Variants in TAPT1 observed in about 807,000 individuals in gnomAD.
TAPT1 encodes transmembrane anterior posterior transformation protein 1 homolog.
Under a neutral mutation model 65.6 loss-of-function variants are expected in TAPT1, and 28 were observed. The observed-to-expected ratio is 0.43, with a 90% CI of 0.32 to 0.59. TAPT1 has a LOEUF of 0.59. TAPT1 is among the 20% of genes least tolerant of loss of function. The pLI is 0.09. For missense variants in TAPT1, 563 were observed against 679.9 expected, an observed-to-expected ratio of 0.83 and a Z score of 1.91; for synonymous variants, 278 against 245.2, an observed-to-expected ratio of 1.13 and a Z score of -1.25.
Position 16,226,123 on chromosome 4 carries a change from C to T in TAPT1, c.199+136G>A, listed in dbSNP as rs1370474186. 5 of 1,027,604 alleles carry T rather than the reference C, an allele frequency of 4.9e-6. No individual in the cohort carries two copies. In the African/African-American group the frequency reaches 6.9e-5, roughly 14 times the overall value. 63.7% of individuals were successfully genotyped at this position (1,027,604 alleles called of 1,614,324 possible). ...CCTCGGCAGCCTCGGCGGCTCCGCGCGCCCACAGCCTGGGGAGCCCCGGGA... is the reference window on the plus strand; with the variant it reads ...CCTCGGCAGCCTCGGCGGCTCCGCGTGCCCACAGCCTGGGGAGCCCCGGGA... On this transcript the variant is annotated intron_variant, in intron 1 of 13. Transcript: ENST00000405303.
chr4:16,227,069 A>G (rs1182898463), upstream of TAPT1: 4 of 454,442 alleles, frequency 8.8e-6, no homozygotes, highest in Non-Finnish European at 8.8e-6. Flanking sequence ...TTTTGGTTCC[A>G]TCTCTTCTGC....
chr4:16,180,006 C>T (rs976086134), intron 7 of TAPT1, among the ~76,000 whole-genome samples: 11 of 151,940 alleles, frequency 7.2e-5, no homozygotes, highest in African/African-American at 1.9e-4. Context: ...TTCCATTTTA[C>T]GGAAGAAAAA....
At chr4:16,166,990 T>G in intron 12 of TAPT1, 197 bp from the exon 13 acceptor site, 1 of 303,310 alleles carries the variant, frequency 3.3e-6, no homozygotes, top group Non-Finnish European at 5.9e-6. Context: ...TCCTTAGTTC[T>G]CTTTTTTTTT....
intron 3 of TAPT1, among the ~76,000 whole-genome samples, chr4:16,198,374 T>C (rs1749838517): frequency 6.6e-6 from 1 of 152,182 alleles, no homozygotes; most frequent in Non-Finnish European, 1.5e-5. Flanking sequence ...GGCAATAATT[T>C]ACATTATTGA....
rs761686384 is a variant in TAPT1 at position 16,174,694 on chromosome 4, G to C, written c.1143C>G (p.Asp381Glu). The change falls in exon 10 of 14, where the codon GAC becomes GAG. Residue 381 changes from aspartate (D) to glutamate (E), a missense_variant. Physicochemically the swap from Asp to Glu is conservative, Grantham distance 45. This residue lies in a region of TAPT1 where 104 missense variants were observed against 102.5 expected (regional missense o/e 1.01). Coordinates refer to ENST00000405303, the MANE Select transcript of TAPT1 (RefSeq NM_153365.3). ...CATTTTTCTGTCGGCTGCTAACAAG[G>C]TCAAAAGCAAGACTGGCTCTATATT... ...YSEYRASLAF[D>E]LVSSRQKNAY... 91 of 1,593,648 alleles carry C rather than the reference G, an allele frequency of 5.7e-5. 2 individuals are homozygous for C. The South Asian group carries it at 1.0e-3, about 18-fold the overall frequency.
chr4:16,197,519 C>T (rs1201476845), intron 3 of TAPT1, among the ~76,000 whole-genome samples: 1 of 152,118 alleles, frequency 6.6e-6, no homozygotes, highest in Non-Finnish European at 1.5e-5. Context: ...AGAGGGCTGA[C>T]AAAAATGCCA....
At chr4:16,202,898 T>C (rs1009734586) in intron 2 of TAPT1, among the ~76,000 whole-genome samples, 1 of 152,184 alleles carries the variant, frequency 6.6e-6, no homozygotes, top group Non-Finnish European at 1.5e-5. Context: ...TCCTCATAAT[T>C]TTGCTATTCC....
Position 16,174,275 on chromosome 4 carries a change from G to T in TAPT1, c.1168-3C>A. On this transcript the variant is annotated splice_region_variant and splice_polypyrimidine_tract_variant and intron_variant, in intron 10 of 13. Coordinates refer to ENST00000405303, the MANE Select transcript of TAPT1 (RefSeq NM_153365.3). ...GAGTCACTGTAATCAGTGTATGCCT[G>T]AACAGAGAAAGAAGCAAAAGATTCA... 6.3e-7 allele frequency: 1 copy of T among 1,599,410 alleles called. No homozygotes were observed. Among genetic ancestry groups the T allele is most frequent in the South Asian group, 1.1e-5 (1 of 87,500 alleles).
intron 7 of TAPT1, among the ~76,000 whole-genome samples, chr4:16,180,666 A>C (rs1415626909): frequency 6.6e-6 from 1 of 152,128 alleles, no homozygotes; most frequent in African/African-American, 2.4e-5. Context: ...ATTATTCTCT[A>C]GCAACATGAT....
At position 16,188,303 on chromosome 4, in the gene TAPT1, T is replaced by C. The variant is rs763799449; in HGVS notation, c.665A>G (p.Tyr222Cys). ...TTCTTTAGGCTCTGTTGCTGTCCAA[T>C]AGAGAGCATCTAATATGTCTTGTCC... is the stretch of plus-strand genomic sequence containing the variant. ...SFGQDILDAL[Y>C]WTATEPKERK... Residue 222 changes from tyrosine (Y) to cysteine (C), a missense_variant, in exon 5 of 14, where the codon TAT (tyrosine) becomes TGT (cysteine). Physicochemically the swap from Tyr to Cys is radical, Grantham distance 194. This residue lies in a region of TAPT1 where 217 missense variants were observed against 317.5 expected (regional missense o/e 0.68). Transcript: ENST00000405303. 4 of 1,611,178 alleles carry C rather than the reference T, an allele frequency of 2.5e-6. No homozygotes were observed. Among genetic ancestry groups the C allele is most frequent in the South Asian group, 1.1e-5 (1 of 90,496 alleles).
At chr4:16,164,180 T>C (rs747374405) in intron 13 of TAPT1, among the ~76,000 whole-genome samples, 1 of 152,184 alleles carries the variant, frequency 6.6e-6, no homozygotes, top group Non-Finnish European at 1.5e-5. Flanking sequence ...CCATCAGCTG[T>C]ACACATTTAA....
In TAPT1 at chr4:16,171,833, AT is replaced by A. The variant is rs1748012459; in HGVS notation, c.1237-1105del. On this transcript the variant is annotated intron_variant, in intron 11 of 13. Transcript: ENST00000405303. ...AAATAACTATACTTTCACCTAGCAT[AT>A]TATCAGTTAACTTTTACTCAGTCTA... is the stretch of plus-strand genomic sequence containing the variant. Among the ~76,000 whole-genome samples, 2 of 152,204 alleles carry A rather than the reference AT, an allele frequency of 1.3e-5. 1 individual carries two copies. The highest frequency in any genetic ancestry group is 4.1e-4 in the South Asian group (2 of 4,832).
chr4:16,169,965 C>G (rs182011695), intron 12 of TAPT1, among the ~76,000 whole-genome samples: 1 of 152,310 alleles, frequency 6.6e-6, no homozygotes, highest in Admixed American at 6.5e-5. Context: ...CTGAGTGAAG[C>G]TCCTGATGCA....
intron 8 of TAPT1, among the ~76,000 whole-genome samples, chr4:16,177,311 C>G (rs528545987): frequency 3.3e-5 from 5 of 152,190 alleles, no homozygotes; most frequent in African/African-American, 1.2e-4. Context: ...TACCAGGTAC[C>G]TGATGAAACA....
chr4:16,174,690 C>A lies in TAPT1; in HGVS notation c.1147G>T (p.Val383Phe). ...CTCACATTTTTCTGTCGGCTGCTAACAAGGTCAAAAGCAAGACTGGCTCTA... is the reference window on the plus strand; with the variant it reads ...CTCACATTTTTCTGTCGGCTGCTAAAAAGGTCAAAAGCAAGACTGGCTCTA... ...EYRASLAFDL[V>F]SSRQKNAYTD... The change falls in exon 10 of 14, where the codon GTT becomes TTT. Residue 383 changes from valine (V) to phenylalanine (F), a missense_variant. Physicochemically the swap from Val to Phe is conservative, Grantham distance 50 (BLOSUM62 -1). Coordinates refer to ENST00000405303, the MANE Select transcript of TAPT1 (RefSeq NM_153365.3). The A allele has an allele frequency of 6.3e-7, 1 of 1,594,374 alleles. No individual in the cohort carries two copies. The highest frequency in any genetic ancestry group is 1.7e-4 in the Middle Eastern group (1 of 6,034).
intron 2 of TAPT1, among the ~76,000 whole-genome samples, chr4:16,208,375 A>G (rs73130457): frequency 7.2e-5 from 11 of 152,078 alleles, no homozygotes; most frequent in African/African-American, 2.4e-4. Flanking sequence ...CCTAACATTC[A>G]CTGTCCTAGC....
chr4:16,181,765 A>G (rs954412155), intron 7 of TAPT1, among the ~76,000 whole-genome samples: 4 of 152,130 alleles, frequency 2.6e-5, no homozygotes, highest in African/African-American at 9.7e-5. Context: ...ACAGGGTTTC[A>G]CCATGTTGGC....
chr4:16,227,267 CTG>C (rs1560199668), upstream of TAPT1: 1 of 455,452 alleles, frequency 2.2e-6, no homozygotes, highest in Non-Finnish European at 4.4e-6. Flanking sequence ...TCTTTCGGGA[CTG>C]GGGTTAGGAG....
intron 2 of TAPT1, among the ~76,000 whole-genome samples, chr4:16,211,441 A>G (rs1750650362): frequency 6.6e-6 from 1 of 152,178 alleles, no homozygotes; most frequent in African/African-American, 2.4e-5. Flanking sequence ...CTGGAATTAA[A>G]CTGAAACCTA....
Sources: gnomAD v4.1 joint callset for allele counts (sites outside exome capture counted in the v4.1 genomes callset) on GRCh38, gnomAD v4.1.1 for gene constraint, gnomAD v4.1.1 regional missense constraint, MANE v1.5 for transcripts, NCBI Gene and HGNC (gene_info 2026-07-23, HGNC 2026-07-21) for gene names.